Variants in BTBD9 observed in about 807,000 individuals in gnomAD.
BTBD9 encodes the protein BTB domain containing 9.
BTBD9 carries 49 observed loss-of-function variants against 64.3 expected under a neutral mutation model. The ratio of observed to expected loss-of-function variants is 0.76; its 90% CI spans 0.61 to 0.97. The LOEUF (loss-of-function observed/expected upper bound fraction) is 0.97. BTBD9 is among the 50% of genes least tolerant of loss of function. The pLI, the probability that BTBD9 is intolerant of heterozygous loss-of-function variation, is 0.00. For synonymous variants in BTBD9, 260 were observed against 274.7 expected, an observed-to-expected ratio of 0.95 and a Z score of 0.53; for missense variants, 598 against 762.1, an observed-to-expected ratio of 0.78 and a Z score of 2.53.
At chr6:38,405,758 C>A (rs779301977) in intron 6 of BTBD9, among the ~76,000 whole-genome samples, 4 of 152,138 alleles carry the variant, frequency 2.6e-5, no homozygotes, top group Non-Finnish European at 5.9e-5. Flanking sequence ...AGTCAATGGA[C>A]TCAGGAAAGC....
chr6:38,203,963 C>G (rs890365843), intron 9 of BTBD9, among the ~76,000 whole-genome samples: 1 of 152,094 alleles, frequency 6.6e-6, no homozygotes, highest in African/African-American at 2.4e-5. Context: ...TCCAAATAAC[C>G]TGACTTGGTC....
intron 7 of BTBD9, among the ~76,000 whole-genome samples, chr6:38,333,438 A>G (rs1050947765): frequency 6.6e-6 from 1 of 152,146 alleles, no homozygotes; most frequent in Admixed American, 6.6e-5. Context: ...TATGGTTTCA[A>G]TCTGTTTCCC....
chr6:38,326,757 CA>C (rs398001240), intron 7 of BTBD9, among the ~76,000 whole-genome samples: 215 of 123,446 alleles, frequency 1.7e-3, no homozygotes, highest in African/African-American at 3.9e-3. Flanking sequence ...AGAATCACTG[CA>C]AAAAAAAAAA....
chr6:38,168,528 C>G lies in BTBD9; in HGVS notation c.*6457G>C, dbSNP rs76094560. The G allele has an allele frequency of 3.3e-5, 5 of 152,384 alleles. No homozygotes were observed. Among genetic ancestry groups the G allele is most frequent in the African/African-American group, 1.2e-4 (5 of 41,566 alleles). 9.4% of individuals were successfully genotyped at this position (152,384 alleles called of 1,614,324 possible). On this transcript the variant is annotated 3_prime_UTR_variant, in exon 11 of 11. Transcript: ENST00000481247. ...CATGGACTCAGGGGTTTCGAACACA[C>G]GGTTTGTACATCTGCCCGCTTAGGT...
intron 7 of BTBD9, among the ~76,000 whole-genome samples, chr6:38,301,894 T>G (rs1165497814): frequency 1.3e-5 from 2 of 152,194 alleles, no homozygotes; most frequent in African/African-American, 2.4e-5. Context: ...TTTCTTGCCT[T>G]CTGCTAGCTT....
chr6:38,353,346 T>C (rs985284389), intron 6 of BTBD9, among the ~76,000 whole-genome samples: 2 of 149,752 alleles, frequency 1.3e-5, no homozygotes, highest in South Asian at 2.1e-4. Flanking sequence ...CAAGGGATTA[T>C]AGAGAGAGAA....
chr6:38,175,631 T>G (rs1394506957), intron 10 of BTBD9, among the ~76,000 whole-genome samples: 1 of 152,184 alleles, frequency 6.6e-6, no homozygotes, highest in Non-Finnish European at 1.5e-5. Context: ...CCACCATCTG[T>G]GTGGCATCTG....
intron 10 of BTBD9, 91 bp from the exon 11 acceptor site, chr6:38,175,273 T>G: frequency 7.3e-7 from 1 of 1,368,556 alleles, no homozygotes; most frequent in East Asian, 2.3e-5. Context: ...TGCCCAGCTT[T>G]GGGGGCCACC....
chr6:38,427,007 C>T (rs1203380223), intron 6 of BTBD9, among the ~76,000 whole-genome samples: 2 of 151,734 alleles, frequency 1.3e-5, no homozygotes, highest in Admixed American at 6.5e-5. Context: ...TCCCAGGTAG[C>T]GATTCTACGT....
At chr6:38,540,512 T>C (rs949645072) in intron 6 of BTBD9, among the ~76,000 whole-genome samples, 1 of 152,208 alleles carries the variant, frequency 6.6e-6, no homozygotes, top group African/African-American at 2.4e-5. Flanking sequence ...TTATTTAAGA[T>C]TGATAAAATC....
At chr6:38,461,522 T>G (rs1770085581) in intron 6 of BTBD9, among the ~76,000 whole-genome samples, 1 of 152,224 alleles carries the variant, frequency 6.6e-6, no homozygotes, top group Non-Finnish European at 1.5e-5. Context: ...CATTTAGTAT[T>G]TTATTGTACA....
chr6:38,605,261 C>T (rs186779972), intron 1 of BTBD9, among the ~76,000 whole-genome samples: 4 of 152,038 alleles, frequency 2.6e-5, no homozygotes, highest in East Asian at 3.9e-4. Context: ...TGGCCAGGCT[C>T]GTCTCAAACT....
intron 6 of BTBD9, among the ~76,000 whole-genome samples, chr6:38,400,468 C>G (rs1254564016): frequency 1.3e-5 from 2 of 152,272 alleles, no homozygotes; most frequent in South Asian, 2.1e-4. Context: ...TCTTTTCAGT[C>G]TTTACCCCAT....
intron 6 of BTBD9, among the ~76,000 whole-genome samples, chr6:38,564,904 T>C (rs1275927810): frequency 5.3e-5 from 8 of 151,518 alleles, no homozygotes; most frequent in African/African-American, 1.9e-4. Flanking sequence ...AAAAAATAAA[T>C]AAATAAAAAT....
chr6:38,435,133 G>A (rs1232627274), intron 6 of BTBD9, among the ~76,000 whole-genome samples: 2 of 148,162 alleles, frequency 1.3e-5, no homozygotes, highest in African/African-American at 5.0e-5. Context: ...GGCAGAGGTT[G>A]CAGTGAGCTG....
At chr6:38,383,691 C>T (rs562544086) in intron 6 of BTBD9, among the ~76,000 whole-genome samples, 2 of 152,260 alleles carry the variant, frequency 1.3e-5, no homozygotes, top group Middle Eastern at 3.4e-3. Context: ...ACCATGTTCA[C>T]GTATACAAGG....
chr6:38,460,594 T>C (rs893890998), intron 6 of BTBD9, among the ~76,000 whole-genome samples: 8 of 152,212 alleles, frequency 5.3e-5, no homozygotes, highest in African/African-American at 1.9e-4. Context: ...AATGTGTTAC[T>C]AATCATTTCA....
Position 38,288,321 on chromosome 6 carries a change from C to T in BTBD9, c.1405G>A (p.Gly469Ser). Residue 469 changes from glycine (G) to serine (S), a missense_variant, in exon 8 of 11, where the codon GGT (glycine) becomes AGT (serine). By Grantham distance (56) the Gly-to-Ser change is moderately conservative. Transcript: ENST00000481247. ...SGYTCHQLGS[G>S]AIVVQLAQPY... Reference sequence around the variant, plus strand: ...TGTGCCAACTGAACCACAATCGCACCACTTCCTAGCTGGTGACATGTGTAG... The same window carrying T: ...TGTGCCAACTGAACCACAATCGCACTACTTCCTAGCTGGTGACATGTGTAG... The T allele has an allele frequency of 2.5e-6, 4 of 1,614,120 alleles. No individual in the cohort carries two copies. The highest frequency in any genetic ancestry group is 3.4e-6 in the Non-Finnish European group (4 of 1,179,994).
intron 6 of BTBD9, among the ~76,000 whole-genome samples, chr6:38,406,437 A>T (rs907528789): frequency 3.3e-5 from 5 of 152,212 alleles, no homozygotes; most frequent in African/African-American, 1.2e-4. Flanking sequence ...TTACCATTCC[A>T]TTAAATTTCT....
Sources: gnomAD v4.1 joint callset for allele counts (sites outside exome capture counted in the v4.1 genomes callset) on GRCh38, gnomAD v4.1.1 for gene constraint, MANE v1.5 for transcripts, NCBI Gene and HGNC (gene_info 2026-07-23, HGNC 2026-07-21) for gene names.